Variants in CYP2J2 observed in about 807,000 individuals in gnomAD.
The protein encoded by CYP2J2 is cytochrome P450 2J2.
Under a neutral mutation model 48.8 loss-of-function variants are expected in CYP2J2, and 41 were observed. The ratio of observed to expected loss-of-function variants is 0.84; its 90% CI spans 0.66 to 1.09. The LOEUF is 1.09. CYP2J2 is among the 50% of genes least tolerant of loss of function. The pLI, the probability that CYP2J2 is intolerant of heterozygous loss-of-function variation, is 0.00. For synonymous variants in CYP2J2, 221 were observed against 227.1 expected, an observed-to-expected ratio of 0.97 and a Z score of 0.24; for missense variants, 644 against 617.3, an observed-to-expected ratio of 1.04 and a Z score of -0.46.
At chr1:59,897,840 C>T (rs913486757) in intron 8 of CYP2J2, among the ~76,000 whole-genome samples, 6 of 152,112 alleles carry the variant, frequency 3.9e-5, no homozygotes, top group South Asian at 2.1e-4. Context: ...GTGAGGACTT[C>T]GGAAGAGTCC....
chr1:59,910,022 C>T (rs1644398606), intron 4 of CYP2J2, 62 bp from the exon 5 acceptor site: 14 of 1,233,450 alleles, frequency 1.1e-5, no homozygotes, highest in Non-Finnish European at 1.6e-5. Flanking sequence ...CTTTTTAAGA[C>T]AACAGAAACC....
intron 1 of CYP2J2, 108 bp downstream of exon 1, chr1:59,926,429 C>G (rs1277451659): frequency 2.2e-6 from 2 of 911,614 alleles, no homozygotes; most frequent in East Asian, 4.9e-5. Context: ...GTTAGCCACA[C>G]CTCTTCCTGC....
the CYP2J2 span, among the ~76,000 whole-genome samples, chr1:59,938,572 C>A: frequency 6.6e-6 from 1 of 152,194 alleles, no homozygotes; most frequent in Non-Finnish European, 1.5e-5. Context: ...CGCCTCCCAC[C>A]ATAGGGCGGT....
intron 4 of CYP2J2, among the ~76,000 whole-genome samples, chr1:59,910,850 G>A (rs1052887713): frequency 5.9e-5 from 9 of 152,132 alleles, no homozygotes; most frequent in Admixed American, 3.9e-4. Flanking sequence ...AAGACTCAAA[G>A]GCTTAGAGGG....
upstream of CYP2J2, chr1:59,926,778 C>T (rs768857518): frequency 7.0e-6 from 11 of 1,575,016 alleles, no homozygotes; most frequent in Admixed American, 1.8e-5. Context: ...TTCTGCGGTC[C>T]AAGCAGGCGG....
the CYP2J2 span, among the ~76,000 whole-genome samples, chr1:59,953,010 G>A: frequency 1.8e-4 from 28 of 152,226 alleles, no homozygotes; most frequent in Non-Finnish European, 2.5e-4. Context: ...TATGTAGTCA[G>A]AGAAATAAGT....
chr1:59,929,985 C>T (rs561707595), upstream of CYP2J2, among the ~76,000 whole-genome samples: 14 of 151,826 alleles, frequency 9.2e-5, no homozygotes, highest in Non-Finnish European at 1.5e-4. Context: ...TACTGAAAGA[C>T]AAAGACAAAG....
At position 59,893,536 on chromosome 1, in the gene CYP2J2, G is replaced by T. The variant is rs1221986334; in HGVS notation, c.*115C>A. On this transcript the variant is annotated 3_prime_UTR_variant, in exon 9 of 9. Coordinates refer to ENST00000371204, the MANE Select transcript of CYP2J2 (RefSeq NM_000775.4). ...AGTTTTCTCTGAGTCAAATTCCTCTGATCTTTCTTGAAAGTCACTTTCATT... is the reference window on the plus strand; with the variant it reads ...AGTTTTCTCTGAGTCAAATTCCTCTTATCTTTCTTGAAAGTCACTTTCATT... The T allele has an allele frequency of 1.3e-6, 1 of 762,764 alleles. No homozygotes were observed. The highest frequency in any genetic ancestry group is 2.0e-6 in the Non-Finnish European group (1 of 500,720). 47.2% of individuals were successfully genotyped at this position (762,764 alleles called of 1,614,324 possible). A position where few individuals can be genotyped will look rare whatever the true frequency, so the allele number is the denominator to read the frequency against.
At chr1:59,921,336 G>T (rs1644513253) in intron 1 of CYP2J2, among the ~76,000 whole-genome samples, 1 of 152,168 alleles carries the variant, frequency 6.6e-6, no homozygotes, top group Non-Finnish European at 1.5e-5. Flanking sequence ...ATGCAGGATT[G>T]TGTAAAGACA....
intron 8 of CYP2J2, 42 bp from the exon 9 acceptor site, chr1:59,893,871 C>G (rs767579571): frequency 6.4e-7 from 1 of 1,560,464 alleles, no homozygotes; most frequent in East Asian, 2.3e-5. Flanking sequence ...TCTCAGGTGG[C>G]ATTTGTGCCT....
chr1:59,935,727 C>T, the CYP2J2 span, among the ~76,000 whole-genome samples: 6 of 152,266 alleles, frequency 3.9e-5, no homozygotes, highest in African/African-American at 1.4e-4. Flanking sequence ...TAGAAAGACT[C>T]AATATCATCA....
chr1:59,935,015 C>CATATATATATATATATATATAT, the CYP2J2 span, among the ~76,000 whole-genome samples: 8 of 47,494 alleles, frequency 1.7e-4, no homozygotes, highest in Non-Finnish European at 2.9e-4. Flanking sequence ...TATATATATA[C>CATATATATATATATATATATAT]ATATATATAT....
chr1:59,918,893 A>C (rs1300946855), intron 1 of CYP2J2, among the ~76,000 whole-genome samples: 79 of 152,206 alleles, frequency 5.2e-4, no homozygotes, highest in Admixed American at 5.1e-3. Context: ...GAACAAAATA[A>C]ATGTTTACAG....
chr1:59,942,447 A>C, the CYP2J2 span, among the ~76,000 whole-genome samples: 3 of 152,060 alleles, frequency 2.0e-5, no homozygotes, highest in Non-Finnish European at 4.4e-5. Context: ...AGAGTGTGTG[A>C]AGGAGAGGGA....
chr1:59,913,764 C>G (rs1237511488), intron 2 of CYP2J2, among the ~76,000 whole-genome samples: 1 of 152,172 alleles, frequency 6.6e-6, no homozygotes, highest in Non-Finnish European at 1.5e-5. Context: ...TCCCTTGCTC[C>G]TTTTCTTCTA....
intron 8 of CYP2J2, among the ~76,000 whole-genome samples, chr1:59,900,342 A>G (rs1260919609): frequency 6.6e-6 from 1 of 152,102 alleles, no homozygotes; most frequent in African/African-American, 2.4e-5. Flanking sequence ...GGATGGCAGC[A>G]CCCGACCGGG....
At chr1:59,902,589 T>C (rs1485030182) in intron 7 of CYP2J2, among the ~76,000 whole-genome samples, 1 of 152,092 alleles carries the variant, frequency 6.6e-6, no homozygotes, top group Non-Finnish European at 1.5e-5. Context: ...CTAGTTTTTA[T>C]ATTTTTAGTA....
chr1:59,940,294 C>T, the CYP2J2 span, among the ~76,000 whole-genome samples: 2 of 152,178 alleles, frequency 1.3e-5, no homozygotes, highest in Non-Finnish European at 2.9e-5. Flanking sequence ...CAAGTGATGA[C>T]TCCTGGACTG....
At chr1:59,959,717 T>C in the CYP2J2 span, among the ~76,000 whole-genome samples, 1 of 151,852 alleles carries the variant, frequency 6.6e-6, no homozygotes, top group Non-Finnish European at 1.5e-5. Context: ...TACTCAACCA[T>C]AAAAAGGAAT....
Sources: gnomAD v4.1 joint callset for allele counts (sites outside exome capture counted in the v4.1 genomes callset) on GRCh38, gnomAD v4.1.1 for gene constraint, MANE v1.5 for transcripts, NCBI Gene and HGNC (gene_info 2026-07-23, HGNC 2026-07-21) for gene names.